DCAF1: variants seen among roughly 807,000 people sequenced by gnomAD.
The protein encoded by DCAF1 is DDB1 and CUL4 associated factor 1, also known as DDB1- and CUL4-associated factor 1.
A neutral mutation model predicts 128.0 loss-of-function variants in DCAF1; 15 were observed. The ratio of observed to expected loss-of-function variants is 0.12; its 90% CI spans 0.08 to 0.18. DCAF1 has a LOEUF of 0.18. Among genes scored for constraint, DCAF1 ranks in the 10% least tolerant of loss-of-function variants. The pLI, the probability that DCAF1 is intolerant of heterozygous loss-of-function variation, is 1.00. For missense variants in DCAF1, 988 were observed against 1,649.5 expected (o/e 0.60, Z 6.95); for synonymous variants, 610 against 603.0 (o/e 1.01, Z -0.17).
Position 51,429,534 on chromosome 3 carries a change from T to C in DCAF1, c.1468-64A>G, listed in dbSNP as rs557842218. On this transcript the variant is annotated intron_variant, in intron 11 of 24. Coordinates refer to ENST00000684031, the MANE Select transcript of DCAF1 (RefSeq NM_001387579.1). ...AGGCAAGAAGAGTTAAGTAAAAATA[T>C]TTAAAAAAGGGAAAATATTTTAGTA... The C allele has an allele frequency of 2.2e-4, 168 of 749,248 alleles. 4 individuals carry two copies. Among genetic ancestry groups the C allele is most frequent in the South Asian group, 2.0e-3 (140 of 70,672 alleles). 46.4% of individuals were successfully genotyped at this position (749,248 alleles called of 1,614,324 possible).
At chr3:51,454,528 A>C (rs782180814) in intron 6 of DCAF1, among the ~76,000 whole-genome samples, 8 of 148,694 alleles carry the variant, frequency 5.4e-5, no homozygotes, top group Non-Finnish European at 7.5e-5. Flanking sequence ...CACCCGGCTA[A>C]TTTTTGTATT....
intron 6 of DCAF1, among the ~76,000 whole-genome samples, chr3:51,446,167 G>C (rs1701832277): frequency 1.3e-5 from 2 of 151,772 alleles, no homozygotes. Context: ...GCTGATTTTT[G>C]TATTTTTAGT....
intron 3 of DCAF1, among the ~76,000 whole-genome samples, chr3:51,483,312 A>G (rs1706483808): frequency 6.7e-6 from 1 of 148,192 alleles, no homozygotes; most frequent in Non-Finnish European, 1.5e-5. Context: ...TGGTGGTGGG[A>G]GCCTGTAATC....
intron 4 of DCAF1, 24 bp downstream of exon 4, chr3:51,470,905 C>A: frequency 6.7e-7 from 1 of 1,489,208 alleles, no homozygotes; most frequent in South Asian, 1.4e-5. Flanking sequence ...AAAAAAGACC[C>A]ACACTTAAGA....
intron 7 of DCAF1, 82 bp from the exon 8 acceptor site, chr3:51,441,979 A>G (rs1290707281): frequency 6.7e-7 from 1 of 1,501,802 alleles, no homozygotes; most frequent in African/African-American, 1.4e-5. Flanking sequence ...TTTCCACATA[A>G]TAACTGGAGA....
Position 51,463,779 on chromosome 3 carries a change from CAAA to C in DCAF1, c.262-555_262-553del, listed in dbSNP as rs201637111. ...CTGGGCAACGGTGAGACCCTGTCTC[CAAA>C]AAAACAACAACAACAACAACAGAAC... On this transcript the variant is annotated intron_variant, in intron 5 of 24. Coordinates refer to ENST00000684031, the MANE Select transcript of DCAF1 (RefSeq NM_001387579.1). Among the ~76,000 whole-genome samples the C allele has an allele frequency of 3.3e-5, 5 of 151,222 alleles. No individual in the cohort carries two copies. In the East Asian group the frequency reaches 9.7e-4, roughly 29 times the overall value.
At chr3:51,468,011 G>A (rs1413247180) in intron 4 of DCAF1, among the ~76,000 whole-genome samples, 17 of 152,162 alleles carry the variant, frequency 1.1e-4, no homozygotes, top group Middle Eastern at 3.2e-3. Context: ...TCAGGGTGAC[G>A]GGGGTGAATT....
chr3:51,451,445 T>C (rs1169370599), intron 6 of DCAF1, among the ~76,000 whole-genome samples: 1 of 151,638 alleles, frequency 6.6e-6, no homozygotes, highest in Non-Finnish European at 1.5e-5. Context: ...AATGAGACTC[T>C]GTGTCTATTT....
chr3:51,443,667 C>T lies in DCAF1; in HGVS notation c.513+99G>A, dbSNP rs559265386. The T allele has an allele frequency of 3.5e-4, 378 of 1,086,906 alleles. 1 individual carries two copies. Among genetic ancestry groups the T allele is most frequent in the Admixed American group, 1.3e-3 (36 of 28,454 alleles). The allele number at this position is 1,086,906 out of a possible 1,614,324, so 67.3% of individuals were successfully genotyped here. ...TTGAAATTATAGCCATGCTCCAGTA[C>T]AAGATAATCAATATGATCTACTTAT... On this transcript the variant is annotated intron_variant, in intron 7 of 24. Transcript: ENST00000684031.
At chr3:51,462,535 C>T (rs1703712834) in intron 6 of DCAF1, among the ~76,000 whole-genome samples, 1 of 152,082 alleles carries the variant, frequency 6.6e-6, no homozygotes, top group Admixed American at 6.6e-5. Context: ...CACCTGAGGT[C>T]AGGAGTTCGA....
At chr3:51,460,743 C>G (rs1451403029) in intron 6 of DCAF1, among the ~76,000 whole-genome samples, 1 of 152,130 alleles carries the variant, frequency 6.6e-6, no homozygotes, top group East Asian at 1.9e-4. Context: ...ATAGAGCCCT[C>G]AGAAATAATG....
chr3:51,406,731 C>T (rs943173364), intron 23 of DCAF1, among the ~76,000 whole-genome samples: 15 of 152,180 alleles, frequency 9.9e-5, no homozygotes, highest in Non-Finnish European at 2.2e-4. Context: ...AAGCATGCTA[C>T]CCACTCCTGC....
chr3:51,482,764 CAAAA>C (rs797042469), intron 3 of DCAF1, among the ~76,000 whole-genome samples: 4 of 29,984 alleles, frequency 1.3e-4, no homozygotes, highest in African/African-American at 1.2e-4. Context: ...CACTCCATCT[CAAAA>C]AAAAAAAAAA....
chr3:51,433,216 C>T lies in DCAF1; in HGVS notation c.1177G>A (p.Ala393Thr), dbSNP rs1013293508. 12 of 398,448 alleles carry T rather than the reference C, an allele frequency of 3.0e-5. No homozygotes were observed. The Admixed American group carries it at 3.1e-4, about 10-fold the overall frequency. 24.7% of individuals were successfully genotyped at this position (398,448 alleles called of 1,614,324 possible). Residue 393 changes from alanine (A) to threonine (T), a missense_variant, in exon 10 of 25, where the codon GCG becomes ACG. Coordinates refer to ENST00000684031, the MANE Select transcript of DCAF1 (RefSeq NM_001387579.1). ...LHNKFATEFV[A>T]HGGVQKLLEI... ...AGTAATTTCTGTACTCCACCATGCG[C>T]AACAAATTCTGTGGCAAATTTGTTA...
At chr3:51,404,509 A>C (rs192381327) in intron 23 of DCAF1, among the ~76,000 whole-genome samples, 123 of 152,336 alleles carry the variant, frequency 8.1e-4, no homozygotes, top group Middle Eastern at 6.8e-3. Flanking sequence ...GTGCTTACCC[A>C]GCCACTAGAA....
At position 51,441,007 on chromosome 3, in the gene DCAF1, T is replaced by C; in HGVS notation, c.1091A>G (p.Gln364Arg). 6.2e-7 allele frequency: 1 copy of C among 1,613,290 alleles called. No homozygotes were observed. The highest frequency in any genetic ancestry group is 8.5e-7 in the Non-Finnish European group (1 of 1,179,610). ...ELMMFYIDLK[Q>R]TNDVLLTFEA... ...AAATGTAAGCAGGACATCATTAGTT[T>C]GCTTCAGGTCAATATAGAACATCAT... The change falls in exon 9 of 25, where the codon CAA becomes CGA. Residue 364 changes from glutamine to arginine, a missense_variant. By Grantham distance (43) the Gln-to-Arg change is conservative. Coordinates refer to ENST00000684031, the MANE Select transcript of DCAF1 (RefSeq NM_001387579.1).
At chr3:51,461,431 C>A (rs576440863) in intron 6 of DCAF1, among the ~76,000 whole-genome samples, 5 of 151,994 alleles carry the variant, frequency 3.3e-5, no homozygotes, top group African/African-American at 1.2e-4. Flanking sequence ...GGAGAGGATG[C>A]GGAGAAATAG....
chr3:51,434,126 G>C (rs1700618012), intron 9 of DCAF1, among the ~76,000 whole-genome samples: 1 of 151,330 alleles, frequency 6.6e-6, no homozygotes, highest in African/African-American at 2.4e-5. Context: ...TATTGGTCAG[G>C]CAGGGTGTCT....
intron 18 of DCAF1, among the ~76,000 whole-genome samples, 177 bp downstream of exon 18, chr3:51,416,610 A>C (rs772804977): frequency 6.6e-6 from 1 of 152,228 alleles, no homozygotes; most frequent in Non-Finnish European, 1.5e-5. Flanking sequence ...TTTAGCCCTT[A>C]TACATTTTTC....
Sources: allele counts gnomAD v4.1 joint callset (sites outside exome capture counted in the v4.1 genomes callset), GRCh38; gene constraint gnomAD v4.1.1; transcripts MANE v1.5; gene names NCBI Gene and HGNC (gene_info 2026-07-23, HGNC 2026-07-21).